The following PDE8A variants were observed in gnomAD, a reference collection of about 807,000 sequenced individuals.
PDE8A encodes the protein high affinity cAMP-specific and IBMX-insensitive 3',5'-cyclic phosphodiesterase 8A.
A neutral mutation model predicts 105.0 loss-of-function variants in PDE8A; 59 were observed. The ratio of observed to expected loss-of-function variants is 0.56; its 90% CI spans 0.46 to 0.70. The LOEUF is 0.70. Among genes scored for constraint, PDE8A ranks in the 30% least tolerant of loss-of-function variants. The pLI, the probability that PDE8A is intolerant of heterozygous loss-of-function variation, is 0.00. For missense variants in PDE8A, 1,014 were observed against 1,045.9 expected, an observed-to-expected ratio of 0.97 and a Z score of 0.42; for synonymous variants, 355 against 371.9, an observed-to-expected ratio of 0.95 and a Z score of 0.52.
chr15:85,040,854 C>T (rs566510412), intron 1 of PDE8A, among the ~76,000 whole-genome samples: 18 of 152,272 alleles, frequency 1.2e-4, no homozygotes, highest in South Asian at 4.2e-4. Flanking sequence ...CCACCACACC[C>T]GGCCTTGCTT....
At chr15:85,082,652 G>A (rs898353445) in intron 5 of PDE8A, among the ~76,000 whole-genome samples, 1 of 150,464 alleles carries the variant, frequency 6.6e-6, no homozygotes. Flanking sequence ...GGGGCTTATA[G>A]ATAGTGATAT....
At chr15:85,032,731 AG>A (rs1424793355) in intron 1 of PDE8A, among the ~76,000 whole-genome samples, 1 of 152,186 alleles carries the variant, frequency 6.6e-6, no homozygotes, top group East Asian at 1.9e-4. Context: ...CTCAGTTTTA[AG>A]TGGAAAAATG....
At chr15:85,007,473 G>C (rs1486597986) in intron 1 of PDE8A, among the ~76,000 whole-genome samples, 1 of 150,970 alleles carries the variant, frequency 6.6e-6, no homozygotes, top group Admixed American at 6.7e-5. Flanking sequence ...GGTACGTTCA[G>C]TTTGCAAAAA....
chr15:85,008,364 T>C (rs907476529), intron 1 of PDE8A, among the ~76,000 whole-genome samples: 13 of 151,980 alleles, frequency 8.6e-5, no homozygotes, highest in African/African-American at 2.9e-4. Context: ...CCCGTAATAC[T>C]CTGTCAGACC....
chr15:85,024,402 T>A (rs1468800729), intron 1 of PDE8A, among the ~76,000 whole-genome samples: 1 of 152,236 alleles, frequency 6.6e-6, no homozygotes, highest in Non-Finnish European at 1.5e-5. Flanking sequence ...TAGGTGACTT[T>A]CTTTTGTCAG....
Position 85,079,253 on chromosome 15 carries a change from T to G in PDE8A, c.546+2466T>G, listed in dbSNP as rs573542417. Reference sequence around the variant, plus strand: ...AATAGCTCACTTTTAAATTCTAGACTATCTTAGTCAACGCTAGGTGTTTGT... The same window carrying G: ...AATAGCTCACTTTTAAATTCTAGACGATCTTAGTCAACGCTAGGTGTTTGT... On this transcript the variant is annotated intron_variant, in intron 5 of 21. Coordinates refer to ENST00000394553, the MANE Select transcript of PDE8A (RefSeq NM_002605.3). Among the ~76,000 whole-genome samples the G allele has an allele frequency of 2.3e-4, 35 of 152,356 alleles. 1 individual carries two copies. Among genetic ancestry groups the G allele is most frequent in the Admixed American group, 5.2e-4 (8 of 15,308 alleles).
At chr15:85,039,519 C>A (rs915774172) in intron 1 of PDE8A, among the ~76,000 whole-genome samples, 3 of 151,632 alleles carry the variant, frequency 2.0e-5, no homozygotes, top group African/African-American at 7.3e-5. Context: ...TAAATATATA[C>A]AGTCACTTTG....
intron 7 of PDE8A, chr15:85,090,689 T>TCCCCC (rs759323429): frequency 2.4e-6 from 1 of 421,128 alleles, no homozygotes. Context: ...TATTCCATCA[T>TCCCCC]CCCCCCACCC....
chr15:85,092,284 C>T (rs1195223787), intron 8 of PDE8A, among the ~76,000 whole-genome samples: 1 of 151,766 alleles, frequency 6.6e-6, no homozygotes, highest in Non-Finnish European at 1.5e-5. Flanking sequence ...AGGCACTGCT[C>T]TATTTTGCCT....
intron 1 of PDE8A, among the ~76,000 whole-genome samples, chr15:85,051,066 C>A (rs1326007128): frequency 6.6e-6 from 1 of 152,100 alleles, no homozygotes; most frequent in East Asian, 1.9e-4. Context: ...CTTTTTGATG[C>A]TATTGTAATT....
chr15:85,123,867 CGAAAG>C (rs2082220490), intron 19 of PDE8A, among the ~76,000 whole-genome samples: 1 of 152,176 alleles, frequency 6.6e-6, no homozygotes, highest in South Asian at 2.1e-4. Flanking sequence ...TGGGAAAACT[CGAAAG>C]GAAGGTCAGA....
At chr15:85,060,519 T>G (rs945814847) in intron 1 of PDE8A, among the ~76,000 whole-genome samples, 1 of 152,180 alleles carries the variant, frequency 6.6e-6, no homozygotes, top group Non-Finnish European at 1.5e-5. Flanking sequence ...TATAAGTAAG[T>G]AGAGACAATT....
At chr15:85,075,168 A>C (rs189071727) in intron 3 of PDE8A, among the ~76,000 whole-genome samples, 1 of 152,164 alleles carries the variant, frequency 6.6e-6, no homozygotes, top group Non-Finnish European at 1.5e-5. Context: ...TTCATTCCCC[A>C]TGGCCTCTAA....
intron 17 of PDE8A, among the ~76,000 whole-genome samples, chr15:85,118,440 C>T (rs947214393): frequency 1.3e-5 from 2 of 152,156 alleles, no homozygotes; most frequent in Non-Finnish European, 2.9e-5. Context: ...TGAGGCCCCC[C>T]GCAATCCTTT....
chr15:85,049,269 A>G (rs2938354), intron 1 of PDE8A, among the ~76,000 whole-genome samples: 82,611 of 151,986 alleles, frequency 0.54, 22,531 homozygotes, highest in East Asian at 0.57. Flanking sequence ...ATGTTGTGCA[A>G]CTGTGATCAC....
intron 1 of PDE8A, among the ~76,000 whole-genome samples, chr15:85,019,959 T>G (rs924764269): frequency 3.8e-4 from 54 of 142,756 alleles, no homozygotes; most frequent in Middle Eastern, 3.5e-3. Flanking sequence ...TTTTTTTTTT[T>G]TTTTTTTTTT....
intron 1 of PDE8A, among the ~76,000 whole-genome samples, chr15:84,992,507 C>T (rs1200995290): frequency 6.6e-6 from 1 of 152,014 alleles, no homozygotes; most frequent in Non-Finnish European, 1.5e-5. Context: ...TCATTTTCAG[C>T]GGGGTAGTCA....
At chr15:85,020,591 G>C (rs2080408848) in intron 1 of PDE8A, among the ~76,000 whole-genome samples, 1 of 152,146 alleles carries the variant, frequency 6.6e-6, no homozygotes, top group African/African-American at 2.4e-5. Context: ...GCGAGACTGT[G>C]TCTCAAAACA....
intron 1 of PDE8A, among the ~76,000 whole-genome samples, chr15:85,052,939 G>A (rs1403639166): frequency 6.6e-5 from 10 of 152,098 alleles, no homozygotes; most frequent in African/African-American, 2.2e-4. Context: ...TTTTCTTCCT[G>A]GGGTTTTTAT....
Sources: gnomAD v4.1 joint callset for allele counts (sites outside exome capture counted in the v4.1 genomes callset) on GRCh38, gnomAD v4.1.1 for gene constraint, MANE v1.5 for transcripts, NCBI Gene and HGNC (gene_info 2026-07-23, HGNC 2026-07-21) for gene names.